RGS7: variants seen among roughly 807,000 people sequenced by gnomAD.
RGS7 encodes the protein regulator of G protein signaling 7.
Under a neutral mutation model 81.1 loss-of-function variants are expected in RGS7, and 27 were observed. The observed-to-expected ratio is 0.33, with a 90% CI of 0.25 to 0.46. The LOEUF (loss-of-function observed/expected upper bound fraction) is 0.46. Ranked by LOEUF, RGS7 falls within the 20% of genes least tolerant of loss-of-function variation. The pLI is 1.00. For missense variants in RGS7, 396 were observed against 607.4 expected (o/e 0.65, Z 3.66); for synonymous variants, 208 against 207.7 (o/e 1.00, Z -0.01).
chr1:241,207,007 T>C (rs12129427), intron 2 of RGS7, among the ~76,000 whole-genome samples: 47,009 of 136,686 alleles, frequency 0.34, 8,682 homozygotes, highest in Admixed American at 0.4. Context: ...CTCGCTCTGT[T>C]GCCCAGGCTG....
chr1:240,888,502 C>A (rs1667744858), intron 6 of RGS7, among the ~76,000 whole-genome samples: 1 of 152,048 alleles, frequency 6.6e-6, no homozygotes, highest in African/African-American at 2.4e-5. Flanking sequence ...GGAGACCCGG[C>A]GATGAACGCA....
At chr1:241,187,856 T>C (rs2072265308) in intron 2 of RGS7, among the ~76,000 whole-genome samples, 1 of 152,210 alleles carries the variant, frequency 6.6e-6, no homozygotes, top group Non-Finnish European at 1.5e-5. Context: ...CTGATTTTGG[T>C]GTCAGATCAC....
intron 4 of RGS7, among the ~76,000 whole-genome samples, chr1:240,960,185 G>T (rs1327951800): frequency 9.9e-4 from 115 of 116,484 alleles, no homozygotes; most frequent in African/African-American, 3.5e-3. Flanking sequence ...CTAAAATATT[G>T]ATTTGCTTTT....
intron 2 of RGS7, among the ~76,000 whole-genome samples, chr1:241,106,772 A>C (rs1370213172): frequency 5.3e-5 from 8 of 150,032 alleles, no homozygotes; most frequent in African/African-American, 7.3e-5. Context: ...ACACACACAC[A>C]CACACACACA....
In RGS7 at chr1:240,794,259, T is replaced by C. The variant is rs541696830; in HGVS notation, c.*6+6382A>G. Among the ~76,000 whole-genome samples the C allele has an allele frequency of 2.0e-5, 3 of 152,254 alleles. 1 individual carries two copies. In the South Asian group the frequency reaches 6.2e-4, roughly 32 times the overall value. On this transcript the variant is annotated intron_variant, in intron 18 of 18. Transcript: ENST00000440928. ...GAATACTCTAAGGCTTGTCTCTACT[T>C]TATTGTGGTAGAGATTGATATCAAG...
At chr1:240,854,167 A>T (rs1361906339) in intron 9 of RGS7, among the ~76,000 whole-genome samples, 1 of 152,106 alleles carries the variant, frequency 6.6e-6, no homozygotes, top group Non-Finnish European at 1.5e-5. Context: ...ATACCACATC[A>T]CTGGCTAAAA....
At chr1:241,080,931 T>G (rs905679422) in intron 3 of RGS7, among the ~76,000 whole-genome samples, 1 of 152,208 alleles carries the variant, frequency 6.6e-6, no homozygotes, top group African/African-American at 2.4e-5. Flanking sequence ...ATTTAATTTA[T>G]GGCCTGAGGA....
intron 15 of RGS7, among the ~76,000 whole-genome samples, chr1:240,805,376 A>G (rs1688680879): frequency 4.1e-5 from 1 of 24,468 alleles, no homozygotes. Context: ...CTTGTTTCCA[A>G]AAATAAAATA....
chr1:241,095,958 CT>C (rs1016488946), intron 3 of RGS7, among the ~76,000 whole-genome samples: 2 of 152,146 alleles, frequency 1.3e-5, no homozygotes, highest in African/African-American at 4.8e-5. Flanking sequence ...AGTAATGAGG[CT>C]TTAAGGAGCA....
chr1:241,070,147 G>T (rs1401310913), intron 3 of RGS7, among the ~76,000 whole-genome samples: 1 of 152,148 alleles, frequency 6.6e-6, no homozygotes, highest in African/African-American at 2.4e-5. Context: ...GGTGGACAGA[G>T]GTGAAGAGAC....
chr1:240,906,874 A>G (rs1034402096), intron 6 of RGS7, among the ~76,000 whole-genome samples: 1 of 152,248 alleles, frequency 6.6e-6, no homozygotes, highest in African/African-American at 2.4e-5. Context: ...AGCTAGAAAT[A>G]CAATGGTGTA....
At chr1:241,209,011 G>A (rs1184139144) in intron 2 of RGS7, among the ~76,000 whole-genome samples, 2 of 152,208 alleles carry the variant, frequency 1.3e-5, no homozygotes, top group Non-Finnish European at 2.9e-5. Flanking sequence ...ATCTGTCCAT[G>A]CAGAAACTAT....
intron 2 of RGS7, among the ~76,000 whole-genome samples, chr1:241,146,820 A>T (rs544578430): frequency 6.6e-6 from 1 of 152,242 alleles, no homozygotes; most frequent in Non-Finnish European, 1.5e-5. Flanking sequence ...GTGACAGTGG[A>T]TTTAGTGTCT....
intron 5 of RGS7, 67 bp from the exon 6 acceptor site, chr1:240,930,835 G>A: frequency 7.1e-7 from 1 of 1,409,880 alleles, no homozygotes. Flanking sequence ...TCTGGCCAGT[G>A]AATTACATTT....
chr1:241,052,235 G>A lies in RGS7; in HGVS notation c.175+46431C>T, dbSNP rs905476774. On this transcript the variant is annotated intron_variant, in intron 3 of 18. Transcript: ENST00000440928. Reference sequence around the variant, plus strand: ...GAAAATGGAAATAGGAAATGTCAACGCAGCAAGTGAAGTGCTATGGTAGAA... The same window carrying A: ...GAAAATGGAAATAGGAAATGTCAACACAGCAAGTGAAGTGCTATGGTAGAA... 2.6e-5 allele frequency among the ~76,000 whole-genome samples: 4 copies of A among 152,216 alleles called. No individual in the cohort carries two copies. In the East Asian group the frequency reaches 5.8e-4, roughly 22 times the overall value.
chr1:240,851,469 G>A (rs2147931530), intron 9 of RGS7, among the ~76,000 whole-genome samples: 1 of 152,318 alleles, frequency 6.6e-6, no homozygotes, highest in Middle Eastern at 3.4e-3. Flanking sequence ...TGTACAAGGA[G>A]ATAATGTTGT....
chr1:241,171,279 A>AT (rs1184923984), intron 2 of RGS7, among the ~76,000 whole-genome samples: 1 of 152,036 alleles, frequency 6.6e-6, no homozygotes, highest in African/African-American at 2.4e-5. Context: ...TACTAAAAAA[A>AT]AATCACATTA....
At chr1:240,982,217 C>T (rs1460113068) in intron 4 of RGS7, among the ~76,000 whole-genome samples, 3 of 151,820 alleles carry the variant, frequency 2.0e-5, no homozygotes, top group East Asian at 1.9e-4. Flanking sequence ...GTCAGAAGTT[C>T]GAGACCAGCC....
At chr1:240,954,373 A>G (rs537022609) in intron 4 of RGS7, among the ~76,000 whole-genome samples, 33 of 152,278 alleles carry the variant, frequency 2.2e-4, no homozygotes, top group African/African-American at 7.7e-4. Context: ...GGAATTTAAC[A>G]GTTAATAAAA....
Sources: allele counts gnomAD v4.1 joint callset (sites outside exome capture counted in the v4.1 genomes callset), GRCh38; gene constraint gnomAD v4.1.1; transcripts MANE v1.5; gene names NCBI Gene and HGNC (gene_info 2026-07-23, HGNC 2026-07-21).